GNB4: variants seen among roughly 807,000 people sequenced by gnomAD.
GNB4 encodes the protein guanine nucleotide-binding protein subunit beta-4.
Under a neutral mutation model 45.2 loss-of-function variants are expected in GNB4, and 28 were observed. That is an observed-to-expected ratio of 0.62 (90% CI 0.46 to 0.85). The LOEUF (loss-of-function observed/expected upper bound fraction) is 0.85, where lower values mean the gene tolerates loss of function less well. Ranked by LOEUF, GNB4 falls within the 40% of genes least tolerant of loss-of-function variation. GNB4 has a pLI of 0.00. For synonymous variants in GNB4, 132 were observed against 143.7 expected, an observed-to-expected ratio of 0.92 and a Z score of 0.58; for missense variants, 321 against 425.4, an observed-to-expected ratio of 0.75 and a Z score of 2.16.
chr3:179,405,019 G>A (rs1195560960), intron 9 of GNB4, among the ~76,000 whole-genome samples, 171 bp downstream of exon 9: 1 of 152,120 alleles, frequency 6.6e-6, no homozygotes, highest in Admixed American at 6.5e-5. Context: ...GTGTAAATAT[G>A]GCTTATGGAT....
chr3:179,457,537 C>T, the GNB4 span, among the ~76,000 whole-genome samples: 1 of 152,204 alleles, frequency 6.6e-6, no homozygotes, highest in Non-Finnish European at 1.5e-5. Context: ...TAGCACAGCA[C>T]ATGCACCCAC....
the GNB4 span, chr3:179,465,175 T>C: frequency 7.8e-7 from 1 of 1,282,506 alleles, no homozygotes; most frequent in East Asian, 2.3e-5. Context: ...TGGGAATAAA[T>C]AGAGTTCATG....
the GNB4 span, among the ~76,000 whole-genome samples, chr3:179,489,019 A>ATATATATT: frequency 4.7e-5 from 1 of 21,386 alleles, no homozygotes; most frequent in Non-Finnish European, 7.7e-5. Context: ...AAAAAAAAAA[A>ATATATATT]ATATATATAT....
the GNB4 span, among the ~76,000 whole-genome samples, chr3:179,490,174 G>GATAAATAAAGAT: frequency 1.3e-5 from 2 of 152,206 alleles, no homozygotes; most frequent in Admixed American, 6.5e-5. Flanking sequence ...AGATGTACTG[G>GATAAATAAAGAT]AGAAGATTAG....
At chr3:179,517,107 C>A in the GNB4 span, among the ~76,000 whole-genome samples, 11 of 152,172 alleles carry the variant, frequency 7.2e-5, no homozygotes, top group Admixed American at 5.2e-4. Flanking sequence ...ATCATATTCC[C>A]CGTGACCTGC....
intron 2 of GNB4, among the ~76,000 whole-genome samples, chr3:179,425,887 A>C (rs1423343028): frequency 1.3e-5 from 2 of 152,364 alleles, no homozygotes; most frequent in South Asian, 2.1e-4. Context: ...CTAGGCATGT[A>C]AATAAAAAGA....
At chr3:179,469,184 A>G in the GNB4 span, among the ~76,000 whole-genome samples, 20 of 152,316 alleles carry the variant, frequency 1.3e-4, no homozygotes, top group East Asian at 2.9e-3. Context: ...TCTAAAATGC[A>G]TGAAACCAAG....
At chr3:179,439,531 C>G (rs147674387) in intron 1 of GNB4, among the ~76,000 whole-genome samples, 1 of 152,240 alleles carries the variant, frequency 6.6e-6, no homozygotes, top group East Asian at 1.9e-4. Flanking sequence ...AGATCTCTAC[C>G]CTAAAGCAGT....
chr3:179,482,071 T>C, the GNB4 span, among the ~76,000 whole-genome samples: 1 of 151,946 alleles, frequency 6.6e-6, no homozygotes, highest in Non-Finnish European at 1.5e-5. Flanking sequence ...CCTGGCTAAT[T>C]TTTGTGTTTT....
rs1715868794 is a variant in GNB4, at chr3:179,451,358, CA to C, written c.-56del. Reference sequence around the variant, plus strand: ...GCTCGCCGCCTACCTGGAGGGAGCTCAGGCCCGCGTCGACCGCGCGCTGCCG... The same window carrying C: ...GCTCGCCGCCTACCTGGAGGGAGCTCGGCCCGCGTCGACCGCGCGCTGCCG... On this transcript the variant is annotated 5_prime_UTR_variant, in exon 1 of 10. Transcript: ENST00000232564. 1 of 151,300 alleles carries C rather than the reference CA, an allele frequency of 6.6e-6. No homozygotes were observed. The highest frequency in any genetic ancestry group is 2.4e-5 in the African/African-American group (1 of 41,350). 9.4% of individuals were successfully genotyped at this position (151,300 alleles called of 1,614,324 possible). A position where few individuals can be genotyped will look rare whatever the true frequency, so the allele number is the denominator to read the frequency against.
chr3:179,512,942 C>A, the GNB4 span, among the ~76,000 whole-genome samples: 1 of 151,994 alleles, frequency 6.6e-6, no homozygotes, highest in Non-Finnish European at 1.5e-5. Flanking sequence ...TAAAATTTAT[C>A]TTCTCCTAAT....
intron 8 of GNB4, among the ~76,000 whole-genome samples, chr3:179,412,742 T>C (rs1019960668): frequency 6.6e-6 from 1 of 152,142 alleles, no homozygotes; most frequent in Non-Finnish European, 1.5e-5. Context: ...TTGTTCTCTC[T>C]TTGGGTTGTT....
chr3:179,480,365 C>G, the GNB4 span, among the ~76,000 whole-genome samples: 1 of 152,170 alleles, frequency 6.6e-6, no homozygotes, highest in Non-Finnish European at 1.5e-5. Flanking sequence ...GTGACTTAGT[C>G]CAGATATTCT....
At chr3:179,485,476 GT>G in the GNB4 span, among the ~76,000 whole-genome samples, 1 of 152,110 alleles carries the variant, frequency 6.6e-6, no homozygotes, top group African/African-American at 2.4e-5. Context: ...TTCCATTTGG[GT>G]AATATATCTG....
At chr3:179,435,455 C>G (rs1388306012) in intron 1 of GNB4, among the ~76,000 whole-genome samples, 1 of 129,524 alleles carries the variant, frequency 7.7e-6, no homozygotes, top group Non-Finnish European at 1.6e-5. Flanking sequence ...ATACACACAC[C>G]ATTCCTTTCT....
chr3:179,459,856 T>G, the GNB4 span, among the ~76,000 whole-genome samples: 1 of 152,152 alleles, frequency 6.6e-6, no homozygotes, highest in South Asian at 2.1e-4. Flanking sequence ...ACCAGTTGGA[T>G]CTCATAAACA....
At chr3:179,414,844 A>G (rs2108590889) in intron 6 of GNB4, 41 bp downstream of exon 6, 1 of 1,490,068 alleles carries the variant, frequency 6.7e-7, no homozygotes, top group South Asian at 1.4e-5. Context: ...CATTCCACAC[A>G]AGGAATCGTG....
chr3:179,523,100 G>A, the GNB4 span, among the ~76,000 whole-genome samples: 1 of 150,482 alleles, frequency 6.6e-6, no homozygotes, highest in African/African-American at 2.4e-5. Flanking sequence ...ATCCAAATGT[G>A]GAAGTACCTA....
intron 3 of GNB4, among the ~76,000 whole-genome samples, chr3:179,420,187 G>T (rs1464628980): frequency 2.0e-5 from 3 of 149,956 alleles, no homozygotes; most frequent in Non-Finnish European, 4.4e-5. Context: ...CTGGAATGCA[G>T]TAGGGATCTC....
Sources: gnomAD v4.1 joint callset for allele counts (sites outside exome capture counted in the v4.1 genomes callset) on GRCh38, gnomAD v4.1.1 for gene constraint, MANE v1.5 for transcripts, NCBI Gene and HGNC (gene_info 2026-07-23, HGNC 2026-07-21) for gene names.